DYNC1I1: variants seen among roughly 807,000 people sequenced by gnomAD.
DYNC1I1 encodes cytoplasmic dynein 1 intermediate chain 1.
In DYNC1I1, 43 loss-of-function variants were observed where a neutral mutation model predicts 86.6. The observed-to-expected ratio is 0.50, with a 90% CI of 0.39 to 0.64. DYNC1I1 has a LOEUF of 0.64. Among genes scored for constraint, DYNC1I1 ranks in the 30% least tolerant of loss-of-function variants. The pLI, the probability that DYNC1I1 is intolerant of heterozygous loss-of-function variation, is 0.00. For synonymous variants in DYNC1I1, 262 were observed against 283.7 expected (o/e 0.92, Z 0.77); for missense variants, 604 against 788.8 (o/e 0.77, Z 2.81).
At chr7:96,023,813 A>G (rs999872187) in intron 10 of DYNC1I1, among the ~76,000 whole-genome samples, 8 of 152,214 alleles carry the variant, frequency 5.3e-5, no homozygotes, top group African/African-American at 1.9e-4. Flanking sequence ...ATTAAAAAAC[A>G]AACTGTTTTC....
rs530022968 is a variant in DYNC1I1 at position 95,802,136 on chromosome 7, T to C, written c.-9-2585T>C. 5.2e-4 allele frequency among the ~76,000 whole-genome samples: 79 copies of C among 152,164 alleles called. No homozygotes were observed. In the South Asian group the frequency reaches 7.5e-3, roughly 14 times the overall value. ...TCTCCCCCCATCTGTAGTGTTGTAT[T>C]TGTGCATTCTGCCCAGAAGTCCCAC... On this transcript the variant is annotated intron_variant, in intron 1 of 16. Coordinates refer to ENST00000447467, the MANE Select transcript of DYNC1I1 (RefSeq NM_001135556.2).
At chr7:95,818,425 C>T (rs1192292691) in intron 4 of DYNC1I1, 11 of 580,238 alleles carry the variant, frequency 1.9e-5, no homozygotes, top group Admixed American at 9.7e-5. Context: ...CTTCAGCTTC[C>T]TGCATAGCTA....
At chr7:95,925,833 T>C (rs554132222) in intron 6 of DYNC1I1, among the ~76,000 whole-genome samples, 1 of 152,330 alleles carries the variant, frequency 6.6e-6, no homozygotes, top group African/African-American at 2.4e-5. Context: ...TTTAAAATAA[T>C]GCTTTAAACG....
chr7:95,793,107 G>A (rs1794347741), intron 1 of DYNC1I1, among the ~76,000 whole-genome samples: 1 of 152,088 alleles, frequency 6.6e-6, no homozygotes, highest in South Asian at 2.1e-4. Context: ...ATTGCGTGGA[G>A]GACGTATCAT....
chr7:95,906,436 CT>C (rs1562939920), intron 6 of DYNC1I1, among the ~76,000 whole-genome samples: 1 of 151,988 alleles, frequency 6.6e-6, no homozygotes, highest in African/African-American at 2.4e-5. Context: ...ATGCCTTTTC[CT>C]TTTTTTATAC....
chr7:96,087,762 G>C (rs1015294869), intron 16 of DYNC1I1, among the ~76,000 whole-genome samples: 2 of 152,118 alleles, frequency 1.3e-5, no homozygotes, highest in Non-Finnish European at 2.9e-5. Context: ...GTTTTTACTT[G>C]AATTTTTAGT....
At chr7:95,976,005 A>G (rs1793294569) in intron 6 of DYNC1I1, among the ~76,000 whole-genome samples, 1 of 152,218 alleles carries the variant, frequency 6.6e-6, no homozygotes. Context: ...ATGTTCACAT[A>G]CGGATAAGGA....
intron 6 of DYNC1I1, among the ~76,000 whole-genome samples, chr7:95,951,425 T>TG (rs1792550139): frequency 6.6e-6 from 1 of 152,120 alleles, no homozygotes; most frequent in Admixed American, 6.5e-5. Flanking sequence ...AGGACTAATT[T>TG]GGGGTAGTTT....
At chr7:96,072,010 C>T (rs757378368) in intron 14 of DYNC1I1, among the ~76,000 whole-genome samples, 2 of 152,184 alleles carry the variant, frequency 1.3e-5, no homozygotes, top group Admixed American at 6.5e-5. Flanking sequence ...ACTTAACAAC[C>T]TTTGTGGCCT....
intron 14 of DYNC1I1, among the ~76,000 whole-genome samples, chr7:96,058,235 C>T (rs1358435562): frequency 2.6e-5 from 4 of 152,172 alleles, no homozygotes; most frequent in African/African-American, 9.7e-5. Flanking sequence ...ATTCATTAAA[C>T]CAGCATTCAT....
chr7:95,904,184 C>T (rs1193296888), intron 6 of DYNC1I1, among the ~76,000 whole-genome samples: 4 of 152,114 alleles, frequency 2.6e-5, no homozygotes, highest in African/African-American at 9.7e-5. Context: ...GGTGCAAGGG[C>T]ATCACATCAC....
chr7:95,966,108 G>A (rs1272891936), intron 6 of DYNC1I1, among the ~76,000 whole-genome samples: 1 of 152,186 alleles, frequency 6.6e-6, no homozygotes, highest in African/African-American at 2.4e-5. Flanking sequence ...CAATAGAAAA[G>A]AGGAGTCTAC....
At chr7:96,075,497 C>CTTTAAAATAT (rs1360015057) in intron 14 of DYNC1I1, among the ~76,000 whole-genome samples, 5 of 152,182 alleles carry the variant, frequency 3.3e-5, no homozygotes, top group Admixed American at 2.0e-4. Context: ...CAGTAATCCT[C>CTTTAAAATAT]TTTAAAATAT....
chr7:95,970,869 G>T (rs1479500793), intron 6 of DYNC1I1, among the ~76,000 whole-genome samples: 1 of 152,172 alleles, frequency 6.6e-6, no homozygotes, highest in Non-Finnish European at 1.5e-5. Flanking sequence ...TAATGGAGGG[G>T]ATTCACAAAT....
At chr7:95,957,156 T>C (rs12531462) in intron 6 of DYNC1I1, among the ~76,000 whole-genome samples, 58,348 of 152,022 alleles carry the variant, frequency 0.38, 12,101 homozygotes, top group Non-Finnish European at 0.46. Context: ...TACTTCACTA[T>C]GAAATGAGGC....
chr7:95,785,680 A>T (rs1289171118), intron 1 of DYNC1I1, among the ~76,000 whole-genome samples: 1 of 149,752 alleles, frequency 6.7e-6, no homozygotes, highest in African/African-American at 2.4e-5. Context: ...AACAAAATCT[A>T]TGCCTTCATT....
intron 4 of DYNC1I1, among the ~76,000 whole-genome samples, chr7:95,822,373 G>T (rs1045196241): frequency 3.3e-5 from 5 of 152,056 alleles, no homozygotes; most frequent in African/African-American, 1.2e-4. Flanking sequence ...TAAAAATATT[G>T]AAAAACAAAT....
chr7:95,962,223 GC>G lies in DYNC1I1; in HGVS notation c.491-15286del, dbSNP rs772547588. Reference sequence around the variant, plus strand: ...AAAGCTAAGCTCATGCTTGCAGCAAGCCCAGCTCCATCTGACTGCCCATTCT... The same window carrying G: ...AAAGCTAAGCTCATGCTTGCAGCAAGCCAGCTCCATCTGACTGCCCATTCT... On this transcript the variant is annotated intron_variant, in intron 6 of 16. Coordinates refer to ENST00000447467, the MANE Select transcript of DYNC1I1 (RefSeq NM_001135556.2). Among the ~76,000 whole-genome samples, 28 of 152,274 alleles carry G rather than the reference GC, an allele frequency of 1.8e-4. No homozygotes were observed. In the East Asian group the frequency reaches 5.2e-3, roughly 28 times the overall value.
Position 95,958,567 on chromosome 7 carries a change from A to G in DYNC1I1, c.491-18945A>G, listed in dbSNP as rs536513789. On this transcript the variant is annotated intron_variant, in intron 6 of 16. Coordinates refer to ENST00000447467, the MANE Select transcript of DYNC1I1 (RefSeq NM_001135556.2). ...CAGAGTGAGACCCAATCTCTTAAAA[A>G]AAAAGAAAAGAAAAGGAAATGTATA... 1.1e-4 allele frequency among the ~76,000 whole-genome samples: 16 copies of G among 152,332 alleles called. No homozygotes were observed. The South Asian group carries it at 3.3e-3, about 32-fold the overall frequency.
Sources: gnomAD v4.1 joint callset for allele counts (sites outside exome capture counted in the v4.1 genomes callset) on GRCh38, gnomAD v4.1.1 for gene constraint, MANE v1.5 for transcripts, NCBI Gene and HGNC (gene_info 2026-07-23, HGNC 2026-07-21) for gene names.